Variants in PKD2 observed in about 807,000 individuals in gnomAD.
PKD2 encodes polycystin-2.
In PKD2, 48 loss-of-function variants were observed where a neutral mutation model predicts 105.9. The ratio of observed to expected loss-of-function variants is 0.45; its 90% CI spans 0.36 to 0.58. PKD2 has a LOEUF of 0.58. Among genes scored for constraint, PKD2 ranks in the 20% least tolerant of loss-of-function variants. PKD2 has a pLI of 0.00. For synonymous variants in PKD2, 464 were observed against 481.1 expected (o/e 0.96, Z 0.46); for missense variants, 1,078 against 1,255.3 (o/e 0.86, Z 2.13).
intron 1 of PKD2, among the ~76,000 whole-genome samples, chr4:88,010,788 A>G (rs978435712): frequency 1.3e-5 from 2 of 152,244 alleles, no homozygotes; most frequent in Non-Finnish European, 2.9e-5. Context: ...TGAATCCAAG[A>G]TGGACAACAA....
intron 1 of PKD2, among the ~76,000 whole-genome samples, chr4:88,008,857 A>AT (rs1413371032): frequency 1.3e-5 from 2 of 152,196 alleles, no homozygotes; most frequent in Middle Eastern, 3.4e-3. Flanking sequence ...TCATTGGTGC[A>AT]TTTTTTTGGT....
chr4:88,057,683 C>T (rs1720413827), intron 8 of PKD2, among the ~76,000 whole-genome samples: 2 of 152,132 alleles, frequency 1.3e-5, no homozygotes, highest in African/African-American at 4.8e-5. Context: ...ATCCGCCCGC[C>T]TCGGCCTCCC....
At chr4:88,036,082 A>G in intron 2 of PKD2, 138 bp from the exon 3 acceptor site, 2 of 1,284,808 alleles carry the variant, frequency 1.6e-6, no homozygotes, top group Admixed American at 1.7e-5. Context: ...GGGGAAAGGA[A>G]GGCAAGGGTG....
intron 2 of PKD2, among the ~76,000 whole-genome samples, chr4:88,026,777 T>A (rs569968859): frequency 1.9e-4 from 29 of 152,296 alleles, no homozygotes; most frequent in African/African-American, 7.0e-4. Context: ...CCCCAGCTGT[T>A]CTGTGCAGCC....
rs150525211 is a variant in PKD2, at chr4:88,036,904, T to C, written c.843+551T>C. Among the ~76,000 whole-genome samples the C allele has an allele frequency of 2.6e-3, 396 of 152,362 alleles. 1 individual carries two copies. Among genetic ancestry groups the C allele is most frequent in the African/African-American group, 9.0e-3 (374 of 41,578 alleles). On this transcript the variant is annotated intron_variant, in intron 3 of 14. Coordinates refer to ENST00000237596, the MANE Select transcript of PKD2 (RefSeq NM_000297.4). Reference sequence around the variant, plus strand: ...CATGTATCCCCAGCTCTTAGAACAGTGCTTGATTCAAAGTAAGCACATTCT... The same window carrying C: ...CATGTATCCCCAGCTCTTAGAACAGCGCTTGATTCAAAGTAAGCACATTCT...
At position 88,007,859 on chromosome 4, in the gene PKD2, C is replaced by T. The variant is rs1276520993; in HGVS notation, c.126C>T (p.Ala42=). The T allele has an allele frequency of 1.6e-6, 2 of 1,232,128 alleles. No homozygotes were observed. The highest frequency in any genetic ancestry group is 1.6e-5 in the African/African-American group (1 of 63,542). The allele number at this position is 1,232,128 out of a possible 1,614,324, so 76.3% of individuals were successfully genotyped here. A position where few individuals can be genotyped will look rare whatever the true frequency, so the allele number is the denominator to read the frequency against. Reference sequence around the variant, plus strand: ...CGGCCGTGGGCGCCAGCCTCGCCGCCCCGGGCGGCCTCTGCGAGCAGCGGG... The same window carrying T: ...CGGCCGTGGGCGCCAGCCTCGCCGCTCCGGGCGGCCTCTGCGAGCAGCGGG... ...GCAAVGASLA[A]PGGLCEQRGL... Residue 42 remains alanine, a synonymous_variant, in exon 1 of 15, where the codon GCC becomes GCT. Coordinates refer to ENST00000237596, the MANE Select transcript of PKD2 (RefSeq NM_000297.4).
chr4:88,011,088 G>A (rs1174579988), intron 1 of PKD2, among the ~76,000 whole-genome samples: 1 of 152,230 alleles, frequency 6.6e-6, no homozygotes, highest in Non-Finnish European at 1.5e-5. Flanking sequence ...AGGAGGTGAA[G>A]AGGGCCTGGA....
intron 2 of PKD2, among the ~76,000 whole-genome samples, chr4:88,021,526 A>C (rs970759580): frequency 6.6e-6 from 1 of 152,214 alleles, no homozygotes; most frequent in East Asian, 1.9e-4. Flanking sequence ...TAGAATCTCT[A>C]CTTAAGAAAG....
chr4:88,048,187 A>G (rs1264316487), intron 6 of PKD2, among the ~76,000 whole-genome samples: 2 of 152,238 alleles, frequency 1.3e-5, no homozygotes, highest in Non-Finnish European at 1.5e-5. Flanking sequence ...GTCCTATGAT[A>G]GCCATTACCT....
At position 88,007,882 on chromosome 4, in the gene PKD2, G is replaced by A. The variant is rs1383183111; in HGVS notation, c.149G>A (p.Arg50Gln). ...LAAPGGLCEQ[R>Q]GLEIEMQRIR... ...GCCCCGGGCGGCCTCTGCGAGCAGC[G>A]GGGCCTGGAGATCGAGATGCAGCGC... Residue 50 changes from arginine (R) to glutamine (Q), a missense_variant, in exon 1 of 15, where the codon CGG becomes CAG. By Grantham distance (43) the Arg-to-Gln change is conservative (BLOSUM62 1). This residue lies in a region of PKD2 where 210 missense variants were observed against 187.9 expected (regional missense o/e 1.12). Transcript: ENST00000237596. 3.8e-6 allele frequency: 5 copies of A among 1,326,326 alleles called. No homozygotes were observed. The highest frequency in any genetic ancestry group is 5.8e-5 in the Admixed American group (2 of 34,524). 82.2% of individuals were successfully genotyped at this position (1,326,326 alleles called of 1,614,324 possible).
In PKD2 at chr4:88,019,515, A is replaced by T; in HGVS notation, c.653A>T (p.Lys218Ile). ...ESSTNREKYLKSVLRELVTYL... is the reference protein window; with the variant it reads ...ESSTNREKYLISVLRELVTYL... The stretch of plus-strand genomic sequence containing the variant: ...AGCACTAACCGAGAGAAATACCTTA[A>T]AAGTGTTTTACGGGAACTGGTCACA... The change falls in exon 2 of 15, where the codon AAA becomes ATA. Residue 218 changes from lysine (K) to isoleucine (I), a missense_variant. This residue lies in a region of PKD2 where 868 missense variants were observed against 1,067.3 expected (regional missense o/e 0.81). Transcript: ENST00000237596. 6.2e-7 allele frequency: 1 copy of T among 1,609,230 alleles called. No individual in the cohort carries two copies. The highest frequency in any genetic ancestry group is 8.5e-7 in the Non-Finnish European group (1 of 1,175,610).
chr4:88,074,022 A>C (rs1362726689), intron 13 of PKD2, among the ~76,000 whole-genome samples: 1 of 152,140 alleles, frequency 6.6e-6, no homozygotes, highest in African/African-American at 2.4e-5. Context: ...ATATATTGTA[A>C]ATCTAATTCT....
intron 2 of PKD2, among the ~76,000 whole-genome samples, chr4:88,032,959 T>C (rs532406711): frequency 5.9e-4 from 90 of 152,244 alleles, no homozygotes; most frequent in African/African-American, 2.0e-3. Flanking sequence ...GGAGGCAAGC[T>C]GAAACTCAAA....
At chr4:88,061,747 AAT>A (rs1491283277) in intron 9 of PKD2, among the ~76,000 whole-genome samples, 157 bp from the exon 10 acceptor site, 14 of 152,060 alleles carry the variant, frequency 9.2e-5, no homozygotes, top group African/African-American at 3.1e-4. Context: ...CAAAAAAAAA[AAT>A]TTTTTTTTAA....
chr4:88,077,383 T>C lies in PKD2; in HGVS notation c.*1689T>C, dbSNP rs998549182. On this transcript the variant is annotated 3_prime_UTR_variant, in exon 15 of 15. Coordinates refer to ENST00000237596, the MANE Select transcript of PKD2 (RefSeq NM_000297.4). The stretch of plus-strand genomic sequence containing the variant: ...TACTAAAGTTTGCATTCCAGGGATA[T>C]TGACTGTACATATTTATGTATATGT... 5.2e-5 allele frequency: 8 copies of C among 152,658 alleles called. No individual in the cohort carries two copies. The highest frequency in any genetic ancestry group is 1.9e-4 in the African/African-American group (8 of 41,466). 9.5% of individuals were successfully genotyped at this position (152,658 alleles called of 1,614,324 possible).
chr4:88,028,028 T>A, intron 2 of PKD2, among the ~76,000 whole-genome samples: 1 of 152,176 alleles, frequency 6.6e-6, no homozygotes, highest in East Asian at 1.9e-4. Flanking sequence ...AGTGTGTAAC[T>A]TTAAACTCAG....
chr4:88,037,473 T>C (rs2110106098), intron 3 of PKD2, among the ~76,000 whole-genome samples: 1 of 152,284 alleles, frequency 6.6e-6, no homozygotes, highest in South Asian at 2.1e-4. Context: ...GGGGAGATAG[T>C]TTCTAAAATT....
At chr4:88,068,101 G>C (rs753323703) in intron 13 of PKD2, 40 bp downstream of exon 13, 7 of 1,494,068 alleles carry the variant, frequency 4.7e-6, no homozygotes, top group East Asian at 4.5e-5. Context: ...GTTGACAAGA[G>C]TCCACATGAG....
intron 1 of PKD2, among the ~76,000 whole-genome samples, chr4:88,012,469 A>G (rs941643721): frequency 4.5e-4 from 3 of 6,616 alleles, no homozygotes; most frequent in Non-Finnish European, 7.3e-4. Flanking sequence ...CATGCAGGAT[A>G]ATCATACCAA....
Sources: gnomAD v4.1 joint callset for allele counts (sites outside exome capture counted in the v4.1 genomes callset) on GRCh38, gnomAD v4.1.1 for gene constraint, gnomAD v4.1.1 regional missense constraint, MANE v1.5 for transcripts, NCBI Gene and HGNC (gene_info 2026-07-23, HGNC 2026-07-21) for gene names.